Variants in MCTP1 observed in about 807,000 individuals in gnomAD.
MCTP1 encodes the protein multiple C2 and transmembrane domain containing 1.
Under a neutral mutation model 120.6 loss-of-function variants are expected in MCTP1, and 69 were observed. That is an observed-to-expected ratio of 0.57 (90% CI 0.47 to 0.70). MCTP1 has a LOEUF of 0.70. Among genes scored for constraint, MCTP1 ranks in the 30% least tolerant of loss-of-function variants. MCTP1 has a pLI of 0.00. For missense variants in MCTP1, 1,203 were observed against 1,248.8 expected (o/e 0.96, Z 0.55); for synonymous variants, 529 against 493.1 (o/e 1.07, Z -0.96).
intron 2 of MCTP1, among the ~76,000 whole-genome samples, chr5:95,003,391 A>G (rs1694209354): frequency 6.6e-6 from 1 of 152,360 alleles, no homozygotes; most frequent in Middle Eastern, 3.4e-3. Flanking sequence ...AATGGGCTAT[A>G]GCATATAGCT....
intron 1 of MCTP1, among the ~76,000 whole-genome samples, chr5:95,207,134 T>C (rs1206804770): frequency 6.6e-6 from 1 of 152,152 alleles, no homozygotes; most frequent in Non-Finnish European, 1.5e-5. Flanking sequence ...AAATCATAAA[T>C]ATTGACTATC....
chr5:94,919,688 A>C (rs993853053), intron 7 of MCTP1, among the ~76,000 whole-genome samples: 1 of 152,180 alleles, frequency 6.6e-6, no homozygotes, highest in Non-Finnish European at 1.5e-5. Flanking sequence ...GCCTAGAATG[A>C]CTGTTTTGTG....
intron 16 of MCTP1, 106 bp downstream of exon 16, chr5:94,870,311 C>A: frequency 3.1e-6 from 2 of 643,482 alleles, no homozygotes; most frequent in South Asian, 2.4e-5. Context: ...ATCAAAAATT[C>A]CAGTCTTCCC....
Position 94,961,386 on chromosome 5 carries a change from G to A in MCTP1, c.839-8025C>T, listed in dbSNP as rs571179638. Among the ~76,000 whole-genome samples the A allele has an allele frequency of 1.3e-3, 195 of 152,096 alleles. 1 individual carries two copies. The highest frequency in any genetic ancestry group is 4.5e-3 in the African/African-American group (187 of 41,498). ...CCTATGTAACAAATCTGCACGTTCT[G>A]AACATGTATCCCAGAGCTTAAAGTA... is the stretch of plus-strand genomic sequence containing the variant. On this transcript the variant is annotated intron_variant, in intron 2 of 22. Coordinates refer to ENST00000515393, the MANE Select transcript of MCTP1 (RefSeq NM_024717.7).
At chr5:95,202,769 C>T (rs1026432649) in intron 1 of MCTP1, among the ~76,000 whole-genome samples, 2 of 151,800 alleles carry the variant, frequency 1.3e-5, no homozygotes, top group African/African-American at 2.4e-5. Context: ...GCTCTGTTGC[C>T]CAGGCTGGAG....
chr5:94,947,577 TAGAGAG>T (rs3030518), intron 3 of MCTP1, among the ~76,000 whole-genome samples: 1,556 of 47,274 alleles, frequency 0.033, 52 homozygotes, highest in Non-Finnish European at 0.044. Context: ...TATATATATA[TAGAGAG>T]AGAGAGAGAG....
intron 1 of MCTP1, among the ~76,000 whole-genome samples, chr5:95,064,591 T>C (rs1462721831): frequency 6.6e-6 from 1 of 152,200 alleles, no homozygotes; most frequent in African/African-American, 2.4e-5. Context: ...AATCTAATAG[T>C]ATTTTGGATG....
intron 20 of MCTP1, among the ~76,000 whole-genome samples, chr5:94,711,865 T>C (rs930337251): frequency 6.6e-6 from 1 of 152,128 alleles, no homozygotes; most frequent in Non-Finnish European, 1.5e-5. Context: ...CATGGGAAGA[T>C]TATAATCACT....
At chr5:94,922,616 G>A (rs1811972987) in intron 7 of MCTP1, among the ~76,000 whole-genome samples, 1 of 152,010 alleles carries the variant, frequency 6.6e-6, no homozygotes, top group Non-Finnish European at 1.5e-5. Flanking sequence ...AGCCTCCTGA[G>A]TAGCTGGGAT....
At chr5:94,715,589 G>A (rs1170742749) in intron 19 of MCTP1, among the ~76,000 whole-genome samples, 1 of 152,092 alleles carries the variant, frequency 6.6e-6, no homozygotes, top group Non-Finnish European at 1.5e-5. Context: ...AGCAAAGCTG[G>A]TGTGCTCCAG....
intron 2 of MCTP1, among the ~76,000 whole-genome samples, chr5:94,959,364 AC>A: frequency 6.6e-6 from 1 of 152,324 alleles, no homozygotes; most frequent in Non-Finnish European, 1.5e-5. Flanking sequence ...CAAGCACAAG[AC>A]AAGGATGCCC....
intron 17 of MCTP1, among the ~76,000 whole-genome samples, chr5:94,829,230 C>A (rs1326797222): frequency 6.6e-6 from 1 of 152,292 alleles, no homozygotes; most frequent in South Asian, 2.1e-4. Context: ...GGGAGTTCCC[C>A]AACCCCTTGT....
chr5:94,873,101 C>T (rs1363405168), intron 13 of MCTP1, 38 bp downstream of exon 13: 2 of 1,160,224 alleles, frequency 1.7e-6, no homozygotes, highest in Middle Eastern at 1.9e-4. Context: ...AAATTTAACA[C>T]AATTTTGGAT....
intron 6 of MCTP1, chr5:94,929,531 A>G: frequency 1.7e-6 from 1 of 603,870 alleles, no homozygotes; most frequent in Non-Finnish European, 2.1e-6. Flanking sequence ...TACTCAGACA[A>G]GAATTTTTAA....
intron 1 of MCTP1, among the ~76,000 whole-genome samples, chr5:95,140,692 C>T (rs1438868046): frequency 4.1e-5 from 2 of 48,932 alleles, no homozygotes; most frequent in Non-Finnish European, 7.5e-5. Context: ...CCTGTCCCTA[C>T]TAAAAAAAAA....
chr5:95,269,164 G>A (rs368393913), intron 1 of MCTP1, among the ~76,000 whole-genome samples: 55 of 152,264 alleles, frequency 3.6e-4, no homozygotes, highest in African/African-American at 1.2e-3. Context: ...AGCAACTGAC[G>A]TAAGACTAAG....
chr5:94,889,750 C>CCACACACACACACACA (rs750983646), intron 11 of MCTP1, among the ~76,000 whole-genome samples: 39 of 145,710 alleles, frequency 2.7e-4, no homozygotes, highest in African/African-American at 6.8e-4. Context: ...TGAATGTACA[C>CCACACACACACACACA]CACACACACA....
At chr5:94,933,184 G>C (rs32910) in intron 5 of MCTP1, among the ~76,000 whole-genome samples, 122,484 of 151,508 alleles carry the variant, frequency 0.81, 49,711 homozygotes, top group African/African-American at 0.88. Flanking sequence ...TCCTCATCAC[G>C]CCTACTTTTT....
chr5:95,136,335 T>C (rs187410323), intron 1 of MCTP1, among the ~76,000 whole-genome samples: 20 of 152,352 alleles, frequency 1.3e-4, no homozygotes, highest in Non-Finnish European at 2.5e-4. Context: ...TCCTTTGGGC[T>C]GGTCTCTTAA....
Sources: gnomAD v4.1 joint callset for allele counts (sites outside exome capture counted in the v4.1 genomes callset) on GRCh38, gnomAD v4.1.1 for gene constraint, MANE v1.5 for transcripts, NCBI Gene and HGNC (gene_info 2026-07-23, HGNC 2026-07-21) for gene names.